The following CLCNKB variants were observed in gnomAD, a reference collection of about 807,000 sequenced individuals.
CLCNKB encodes chloride voltage-gated channel Kb.
Under a neutral mutation model 83.8 loss-of-function variants are expected in CLCNKB, and 74 were observed. That is an observed-to-expected ratio of 0.88 (90% CI 0.73 to 1.07). CLCNKB has a LOEUF of 1.07. Ranked by LOEUF, CLCNKB falls within the 50% of genes least tolerant of loss-of-function variation. The pLI is 0.00. For synonymous variants in CLCNKB, 358 were observed against 356.6 expected (o/e 1.00, Z -0.04); for missense variants, 798 against 893.6 (o/e 0.89, Z 1.36).
chr1:16,055,622 A>G, intron 17 of CLCNKB, 53 bp from the exon 18 acceptor site: 5 of 1,600,790 alleles, frequency 3.1e-6, no homozygotes, highest in Non-Finnish European at 4.3e-6. Flanking sequence ...GTGGTCAGAG[A>G]GAGGCATCCT....
At chr1:16,055,635 G>T in intron 17 of CLCNKB, 40 bp from the exon 18 acceptor site, 1 of 1,609,076 alleles carries the variant, frequency 6.2e-7, no homozygotes, top group African/African-American at 1.3e-5. Flanking sequence ...GGCATCCTGG[G>T]GAGGCCAGCC....
At position 16,052,296 on chromosome 1, in the gene CLCNKB, A is replaced by T. The variant is rs1163255590; in HGVS notation, c.1507A>T (p.Met503Leu). ...GATAGTGCATGCACTGCCCGTGCTG[A>T]TGGCGGTGCTGGCAGCCAACGCCAT... ...GQIVHALPVL[M>L]AVLAANAIAQ... The change falls in exon 15 of 20, where the codon ATG becomes TTG. Residue 503 changes from methionine (M) to leucine (L), a missense_variant. Physicochemically the swap from Met to Leu is conservative, Grantham distance 15. Transcript: ENST00000375679. 3 of 1,613,064 alleles carry T rather than the reference A, an allele frequency of 1.9e-6. No individual in the cohort carries two copies. The highest frequency in any genetic ancestry group is 2.7e-5 in the African/African-American group (2 of 74,912).
At chr1:16,044,909 G>T (rs999636527) in intron 2 of CLCNKB, among the ~76,000 whole-genome samples, 3 of 152,238 alleles carry the variant, frequency 2.0e-5, no homozygotes, top group Non-Finnish European at 4.4e-5. Flanking sequence ...TAGCTGCTGG[G>T]ACAGCTGGGG....
At position 16,051,464 on chromosome 1, in the gene CLCNKB, C is replaced by T. The variant is rs1202615166; in HGVS notation, c.1228-14C>T. 2 of 1,613,924 alleles carry T rather than the reference C, an allele frequency of 1.2e-6. No individual in the cohort carries two copies. The highest frequency in any genetic ancestry group is 1.3e-5 in the African/African-American group (1 of 74,878). ...CAGCCTCTAACCTCTGCCCTGGGCT[C>T]CCCACTCCCACAGTTCTGGATGCTG... On this transcript the variant is annotated splice_polypyrimidine_tract_variant and intron_variant, in intron 12 of 19. Coordinates refer to ENST00000375679, the MANE Select transcript of CLCNKB (RefSeq NM_000085.5).
rs74057567 is a variant in CLCNKB, at chr1:16,050,670, C to T, written c.1053+70C>T. ...TGTTGCCTCCTTTGCGTGTATCTCA[C>T]TTAATCCCCCCAATACCCCATAAGG... On this transcript the variant is annotated intron_variant, in intron 11 of 19. Transcript: ENST00000375679. The T allele has an allele frequency of 3.6e-5, 55 of 1,537,634 alleles. No individual in the cohort carries two copies. In the African/African-American group the frequency reaches 6.9e-4, roughly 19 times the overall value.
Position 16,049,858 on chromosome 1 carries a change from C to A in CLCNKB, c.910C>A (p.Arg304=), listed in dbSNP as rs377215024. 5 of 1,613,826 alleles carry A rather than the reference C, an allele frequency of 3.1e-6. No individual in the cohort carries two copies. Among genetic ancestry groups the A allele is most frequent in the Admixed American group, 1.7e-5 (1 of 60,000 alleles). Reference sequence around the variant, plus strand: ...GGGCAGCGCTTACCTCTTCTGTCAGCGAATCTTCTTTGGCTTCATCAGGAA... The same window carrying A: ...GGGCAGCGCTTACCTCTTCTGTCAGAGAATCTTCTTTGGCTTCATCAGGAA... The part of the protein sequence containing the change: ...ILGSAYLFCQ[R]IFFGFIRNNR... Residue 304 remains arginine, a synonymous_variant, in exon 10 of 20, where the codon CGA becomes AGA. Coordinates refer to ENST00000375679, the MANE Select transcript of CLCNKB (RefSeq NM_000085.5).
chr1:16,049,995 T>C (rs1323791721), intron 10 of CLCNKB, 79 bp downstream of exon 10: 1 of 948,464 alleles, frequency 1.1e-6, no homozygotes, highest in African/African-American at 2.3e-5. Flanking sequence ...TAGAAAGCTC[T>C]ACCCGCCACC....
In CLCNKB at chr1:16,051,584, G is replaced by A. The variant is rs756918572; in HGVS notation, c.1297+37G>A. 8 of 1,612,800 alleles carry A rather than the reference G, an allele frequency of 5.0e-6. No individual in the cohort carries two copies. The South Asian group carries it at 8.8e-5, about 18-fold the overall frequency. On this transcript the variant is annotated intron_variant, in intron 13 of 19. Coordinates refer to ENST00000375679, the MANE Select transcript of CLCNKB (RefSeq NM_000085.5). ...GTCCTGAGGTTCTGAGAGTTTCGGGGTTCTTGGGGCAGGACCATGGCTCCT... is the reference window on the plus strand; with the variant it reads ...GTCCTGAGGTTCTGAGAGTTTCGGGATTCTTGGGGCAGGACCATGGCTCCT...
At chr1:16,046,794 C>A in intron 4 of CLCNKB, 131 bp downstream of exon 4, 2 of 1,177,908 alleles carry the variant, frequency 1.7e-6, no homozygotes, top group Non-Finnish European at 2.5e-6. Context: ...CCCAAAGGGA[C>A]ACAGCAAGAA....
At chr1:16,048,199 CGG>C in intron 5 of CLCNKB, 142 bp from the exon 6 acceptor site, 1 of 1,435,834 alleles carries the variant, frequency 7.0e-7, no homozygotes, top group South Asian at 1.2e-5. Context: ...GCCAGGTCCC[CGG>C]AGTGTGACAA....
chr1:16,045,779 T>TGGG (rs57591489), intron 3 of CLCNKB, 93 bp downstream of exon 3: 3 of 577,264 alleles, frequency 5.2e-6, no homozygotes, highest in Admixed American at 5.1e-5. Flanking sequence ...CAGCGGAGGT[T>TGGG]GGGGGGGGTG....
chr1:16,049,655 G>A lies in CLCNKB; in HGVS notation c.819G>A (p.Val273=). The change falls in exon 9 of 20, where the codon GTG becomes GTA. Residue 273 remains valine, a synonymous_variant. Coordinates refer to ENST00000375679, the MANE Select transcript of CLCNKB (RefSeq NM_000085.5). ...ITSLYKTSFR[V]DVPFDLPEIF... The stretch of plus-strand genomic sequence containing the variant: ...CCCTCTACAAGACCAGTTTCCGGGT[G>A]GACGTTCCCTTCGACCTGCCTGAGA... The A allele has an allele frequency of 3.1e-6, 5 of 1,610,026 alleles. 1 individual carries two copies. In the South Asian group the frequency reaches 5.5e-5, roughly 18 times the overall value.
intron 2 of CLCNKB, 25 bp downstream of exon 2, chr1:16,044,617 C>A: frequency 6.4e-7 from 1 of 1,555,636 alleles, no homozygotes; most frequent in Non-Finnish European, 8.8e-7. Context: ...CTCTTCCCTT[C>A]CCCCTGGAGG....
chr1:16,053,954 C>T (rs924582332), intron 16 of CLCNKB, among the ~76,000 whole-genome samples, 182 bp downstream of exon 16: 1 of 152,120 alleles, frequency 6.6e-6, no homozygotes, highest in Admixed American at 6.5e-5. Flanking sequence ...AAATCATGGC[C>T]ACCCTCCCTT....
chr1:16,053,550 G>A (rs2023356439), intron 15 of CLCNKB, 89 bp from the exon 16 acceptor site: 2 of 1,598,276 alleles, frequency 1.3e-6, no homozygotes, highest in East Asian at 4.5e-5. Context: ...TGGGTCCCCG[G>A]TTCAAGCAAA....
chr1:16,044,643 A>C (rs1467386017), intron 2 of CLCNKB, 51 bp downstream of exon 2: 3 of 1,448,424 alleles, frequency 2.1e-6, no homozygotes, highest in Non-Finnish European at 2.9e-6. Flanking sequence ...TCAGGACATC[A>C]TTCCTGCCCA....
rs550878792 is a variant in CLCNKB, at chr1:16,048,126, G to C, written c.498+82G>C. 174 of 1,544,882 alleles carry C rather than the reference G, an allele frequency of 1.1e-4. No individual in the cohort carries two copies. The South Asian group carries it at 1.3e-3, about 11-fold the overall frequency. ...TCACCCCCATCACCCCACGAAAGCT[G>C]CGTCAGAGGGGACTTGGGCTGGTCC... On this transcript the variant is annotated intron_variant, in intron 5 of 19. Transcript: ENST00000375679.
chr1:16,046,683 G>T lies in CLCNKB; in HGVS notation c.358+20G>T, dbSNP rs199657323. On this transcript the variant is annotated intron_variant, in intron 4 of 19. Coordinates refer to ENST00000375679, the MANE Select transcript of CLCNKB (RefSeq NM_000085.5). ...CTGGAGGTGAGTCCACAGTCGCTAC[G>T]CCAGTCCCCACTGGCCAAAACCTTC... The T allele has an allele frequency of 6.3e-7, 1 of 1,598,298 alleles. No homozygotes were observed. The highest frequency in any genetic ancestry group is 8.5e-7 in the Non-Finnish European group (1 of 1,173,852).
intron 12 of CLCNKB, 95 bp from the exon 13 acceptor site, chr1:16,051,383 C>T: frequency 6.8e-7 from 1 of 1,477,792 alleles, no homozygotes; most frequent in Non-Finnish European, 9.5e-7. Flanking sequence ...CCCTCTTTCT[C>T]TCTAGGACAC....
Sources: allele counts gnomAD v4.1 joint callset (sites outside exome capture counted in the v4.1 genomes callset), GRCh38; gene constraint gnomAD v4.1.1; transcripts MANE v1.5; gene names NCBI Gene and HGNC (gene_info 2026-07-23, HGNC 2026-07-21).